CSMD1: variants seen among roughly 807,000 people sequenced by gnomAD.
CSMD1 encodes CUB and sushi domain-containing protein 1.
CSMD1 carries 213 observed loss-of-function variants against 417.5 expected under a neutral mutation model. The ratio of observed to expected loss-of-function variants is 0.51; its 90% CI spans 0.46 to 0.57. CSMD1 has a LOEUF of 0.57. CSMD1 is among the 20% of genes least tolerant of loss of function. The pLI is 0.00. For missense variants in CSMD1, 6,923 were observed against 4,529.7 expected (o/e 1.53, Z -15.17); for synonymous variants, 2,862 against 1,736.8 (o/e 1.65, Z -16.11).
At position 4,803,984 on chromosome 8, in the gene CSMD1, C is replaced by A. The variant is rs150370470; in HGVS notation, c.86-166426G>T. Among the ~76,000 whole-genome samples, 1,360 of 152,280 alleles carry A rather than the reference C, an allele frequency of 8.9e-3. 9 individuals are homozygous for A. Among genetic ancestry groups the A allele is most frequent in the Middle Eastern group, 0.054 (16 of 294 alleles). On this transcript the variant is annotated intron_variant, in intron 1 of 69. Transcript: ENST00000635120. ...TTACAGATGTATCGTAAGTCAAAGA[C>A]GGCAGGAGCCACAACTCTACTCACA... is the stretch of plus-strand genomic sequence containing the variant.
intron 10 of CSMD1, among the ~76,000 whole-genome samples, chr8:3,533,677 AC>A (rs1700552412): frequency 6.6e-6 from 1 of 152,064 alleles, no homozygotes; most frequent in Non-Finnish European, 1.5e-5. Flanking sequence ...CACTCCACTA[AC>A]ACTTATTTCA....
rs117009864 is a variant in CSMD1, at chr8:4,609,954, A to T, written c.302+27388T>A. The stretch of plus-strand genomic sequence containing the variant: ...TAAGTATTCCTATGCTGGCTATTAA[A>T]CTACCTAATTGGTAATTCCTTCAAT... On this transcript the variant is annotated intron_variant, in intron 2 of 69. Transcript: ENST00000635120. Among the ~76,000 whole-genome samples the T allele has an allele frequency of 8.8e-3, 1,335 of 152,274 alleles. 4 individuals are homozygous for T. Among genetic ancestry groups the T allele is most frequent in the Admixed American group, 0.015 (233 of 15,284 alleles).
chr8:3,681,450 G>A (rs60657430), intron 7 of CSMD1, among the ~76,000 whole-genome samples: 2 of 152,108 alleles, frequency 1.3e-5, no homozygotes, highest in African/African-American at 4.8e-5. Flanking sequence ...TTGTTTCAAA[G>A]AGAATAAAAT....
intron 4 of CSMD1, among the ~76,000 whole-genome samples, chr8:4,013,863 T>G (rs1445001546): frequency 6.6e-6 from 1 of 152,178 alleles, no homozygotes; most frequent in East Asian, 1.9e-4. Flanking sequence ...CAAGGGTAGC[T>G]AAAACAGAGA....
At chr8:3,661,616 C>T (rs946066483) in intron 7 of CSMD1, among the ~76,000 whole-genome samples, 3 of 152,144 alleles carry the variant, frequency 2.0e-5, no homozygotes, top group Admixed American at 2.0e-4. Context: ...CCCGCCTCAG[C>T]CTCCCAAGTA....
intron 10 of CSMD1, among the ~76,000 whole-genome samples, chr8:3,556,066 T>A (rs1002793543): frequency 2.0e-5 from 3 of 152,262 alleles, no homozygotes; most frequent in East Asian, 1.9e-4. Flanking sequence ...TAGATGTTCT[T>A]AAGTATGTAT....
At chr8:4,822,124 C>A (rs1009266288) in intron 1 of CSMD1, among the ~76,000 whole-genome samples, 1 of 152,092 alleles carries the variant, frequency 6.6e-6, no homozygotes, top group African/African-American at 2.4e-5. Context: ...TCCTATCTTC[C>A]CTTTTTGAAA....
chr8:3,388,070 GTACTTC>G (rs1563336464), intron 17 of CSMD1, among the ~76,000 whole-genome samples: 1 of 152,092 alleles, frequency 6.6e-6, no homozygotes, highest in African/African-American at 2.4e-5. Context: ...ATAGACATAT[GTACTTC>G]TATATTTATA....
chr8:3,636,737 G>C lies in CSMD1; in HGVS notation c.1010-19940C>G, dbSNP rs958365842. Among the ~76,000 whole-genome samples the C allele has an allele frequency of 4.6e-5, 7 of 152,328 alleles. 1 individual carries two copies. Among genetic ancestry groups the C allele is most frequent in the South Asian group, 4.1e-4 (2 of 4,828 alleles). ...GACCATCTTGGGAGCAGCTGGCTCA[G>C]CGAGGATGGCAGGGAGTAAGGCAGA... is the stretch of plus-strand genomic sequence containing the variant. On this transcript the variant is annotated intron_variant, in intron 7 of 69. Coordinates refer to ENST00000635120, the MANE Select transcript of CSMD1 (RefSeq NM_033225.6).
intron 2 of CSMD1, among the ~76,000 whole-genome samples, chr8:4,595,671 G>C (rs574152960): frequency 6.6e-6 from 1 of 152,150 alleles, no homozygotes; most frequent in Non-Finnish European, 1.5e-5. Context: ...GGAGGCTGAG[G>C]CTGGAGGATC....
intron 2 of CSMD1, among the ~76,000 whole-genome samples, chr8:4,607,295 A>T (rs1292131095): frequency 3.6e-5 from 5 of 137,832 alleles, no homozygotes; most frequent in Non-Finnish European, 7.8e-5. Context: ...ATAACAAAAA[A>T]AAATGCATTT....
chr8:3,591,287 C>T (rs1360190715), intron 8 of CSMD1, among the ~76,000 whole-genome samples: 3 of 152,264 alleles, frequency 2.0e-5, no homozygotes, highest in African/African-American at 7.2e-5. Flanking sequence ...TTCTTCAATG[C>T]TTAACACTTC....
At chr8:4,896,725 T>A (rs1420605798) in intron 1 of CSMD1, among the ~76,000 whole-genome samples, 1 of 151,932 alleles carries the variant, frequency 6.6e-6, no homozygotes, top group Non-Finnish European at 1.5e-5. Context: ...GTGATGATGG[T>A]GAGGAGTCCT....
At chr8:4,155,853 A>T (rs1270939309) in intron 3 of CSMD1, among the ~76,000 whole-genome samples, 2 of 152,158 alleles carry the variant, frequency 1.3e-5, no homozygotes, top group Non-Finnish European at 2.9e-5. Context: ...AGGCAAAATG[A>T]AACAACAAAA....
chr8:3,695,146 T>C (rs1017093670), intron 7 of CSMD1, among the ~76,000 whole-genome samples: 2 of 145,446 alleles, frequency 1.4e-5, no homozygotes, highest in African/African-American at 2.5e-5. Context: ...ACAAGGATAT[T>C]GCAGGAGCAC....
At chr8:4,565,785 T>C (rs1008007096) in intron 2 of CSMD1, among the ~76,000 whole-genome samples, 125 of 60,788 alleles carry the variant, frequency 2.1e-3, no homozygotes, top group African/African-American at 4.8e-3. Flanking sequence ...TATATATATA[T>C]ATATATATAT....
At chr8:4,527,708 A>G (rs73660898) in intron 2 of CSMD1, among the ~76,000 whole-genome samples, 1 of 152,208 alleles carries the variant, frequency 6.6e-6, no homozygotes, top group Non-Finnish European at 1.5e-5. Context: ...CTTTCTATTA[A>G]TAGGTACACT....
At chr8:4,328,755 A>T (rs1423533686) in intron 3 of CSMD1, among the ~76,000 whole-genome samples, 1 of 152,200 alleles carries the variant, frequency 6.6e-6, no homozygotes, top group Admixed American at 6.5e-5. Context: ...CAAAAAAGTT[A>T]CATCGTTTAA....
At chr8:3,804,050 C>A (rs1800598561) in intron 5 of CSMD1, among the ~76,000 whole-genome samples, 1 of 152,118 alleles carries the variant, frequency 6.6e-6, no homozygotes, top group African/African-American at 2.4e-5. Context: ...TCCTCAGCCT[C>A]TGAGTAGCTG....
Sources: allele counts gnomAD v4.1 joint callset (sites outside exome capture counted in the v4.1 genomes callset), GRCh38; gene constraint gnomAD v4.1.1; transcripts MANE v1.5; gene names NCBI Gene and HGNC (gene_info 2026-07-23, HGNC 2026-07-21).